Variants in IL16 observed in about 807,000 individuals in gnomAD.
IL16 encodes pro-interleukin-16.
A neutral mutation model predicts 110.1 loss-of-function variants in IL16; 67 were observed. That is an observed-to-expected ratio of 0.61 (90% confidence interval 0.50 to 0.75). The LOEUF (loss-of-function observed/expected upper bound fraction) is 0.75. Ranked by LOEUF, IL16 falls within the 30% of genes least tolerant of loss-of-function variation. The pLI is 0.00. For missense variants in IL16, 1,545 were observed against 1,655.0 expected (o/e 0.93, Z 1.15); for synonymous variants, 689 against 662.9 (o/e 1.04, Z -0.61).
At chr15:81,291,935 G>T (rs924331266) in intron 11 of IL16, 15 of 455,940 alleles carry the variant, frequency 3.3e-5, no homozygotes, top group African/African-American at 2.6e-4. Flanking sequence ...TGCAGAAATG[G>T]AGTTGGGTCC....
chr15:81,185,770 G>A (rs1470287051), intron 1 of IL16, among the ~76,000 whole-genome samples: 1 of 152,198 alleles, frequency 6.6e-6, no homozygotes, highest in African/African-American at 2.4e-5. Context: ...TGGCAGATCA[G>A]CGTGGGGCTT....
intron 6 of IL16, among the ~76,000 whole-genome samples, chr15:81,278,168 C>T (rs1363118775): frequency 6.6e-6 from 1 of 152,086 alleles, no homozygotes; most frequent in Non-Finnish European, 1.5e-5. Context: ...ACCACATCCA[C>T]TGAGCAATCT....
chr15:81,273,772 C>T (rs1898766069), intron 6 of IL16, among the ~76,000 whole-genome samples: 1 of 152,052 alleles, frequency 6.6e-6, no homozygotes, highest in Admixed American at 6.5e-5. Flanking sequence ...CCACAGGGAC[C>T]CTCTCTTCCA....
chr15:81,252,785 C>G (rs182970354), intron 2 of IL16, among the ~76,000 whole-genome samples: 176 of 152,268 alleles, frequency 1.2e-3, no homozygotes, highest in African/African-American at 3.5e-3. Context: ...GTTTTCAAGA[C>G]TCATCCATGT....
intron 2 of IL16, among the ~76,000 whole-genome samples, chr15:81,232,059 T>C (rs1595974510): frequency 7.0e-6 from 1 of 142,692 alleles, no homozygotes; most frequent in African/African-American, 2.7e-5. Flanking sequence ...TTTTTTTTTT[T>C]TTTTTTTCTT....
intron 2 of IL16, among the ~76,000 whole-genome samples, chr15:81,229,342 T>C (rs1204970033): frequency 6.6e-6 from 1 of 151,932 alleles, no homozygotes; most frequent in Non-Finnish European, 1.5e-5. Flanking sequence ...GAAACCAGTC[T>C]GGATGGTGGT....
chr15:81,282,815 C>A, intron 9 of IL16, 59 bp downstream of exon 9: 1 of 1,211,282 alleles, frequency 8.3e-7, no homozygotes, highest in Non-Finnish European at 1.2e-6. Flanking sequence ...AAAGAAATAC[C>A]TTAGAATGTC....
chr15:81,251,585 TG>T (rs898462236), intron 2 of IL16, among the ~76,000 whole-genome samples: 1 of 152,208 alleles, frequency 6.6e-6, no homozygotes. Context: ...TTGTGCACCT[TG>T]TCCAGTTAGT....
chr15:81,269,757 C>T (rs1898552885), intron 5 of IL16, 109 bp downstream of exon 5: 3 of 743,248 alleles, frequency 4.0e-6, no homozygotes, highest in South Asian at 1.7e-5. Context: ...TGTCCTGGCG[C>T]ATCAGAAGAG....
chr15:81,291,321 A>ATTT (rs1395968556), intron 11 of IL16, among the ~76,000 whole-genome samples: 7 of 152,344 alleles, frequency 4.6e-5, no homozygotes, highest in African/African-American at 1.7e-4. Context: ...TGACAGAGAA[A>ATTT]CTCACCAAAA....
intron 9 of IL16, among the ~76,000 whole-genome samples, chr15:81,285,092 T>A (rs1899383808): frequency 6.6e-6 from 1 of 151,864 alleles, no homozygotes; most frequent in Non-Finnish European, 1.5e-5. Flanking sequence ...TTTTTTTTTT[T>A]AAGGTTTAGG....
At chr15:81,268,184 AGAGCG>A (rs1293623832) in intron 4 of IL16, among the ~76,000 whole-genome samples, 3 of 152,202 alleles carry the variant, frequency 2.0e-5, no homozygotes, top group African/African-American at 7.2e-5. Context: ...GACTTTGGAG[AGAGCG>A]GCCCATCAGG....
At chr15:81,218,917 GTTTT>G (rs751212736) in intron 1 of IL16, among the ~76,000 whole-genome samples, 2 of 147,012 alleles carry the variant, frequency 1.4e-5, no homozygotes, top group Non-Finnish European at 3.0e-5. Context: ...CTCTTTTACT[GTTTT>G]TTTGAGTAAC....
rs1900766018 is a variant in IL16, at chr15:81,309,874, G to A, written c.*1076G>A. The A allele has an allele frequency of 6.6e-6, 1 of 152,218 alleles. No individual in the cohort carries two copies. The highest frequency in any genetic ancestry group is 1.5e-5 in the Non-Finnish European group (1 of 68,054). 9.4% of individuals were successfully genotyped at this position (152,218 alleles called of 1,614,324 possible). A position where few individuals can be genotyped will look rare whatever the true frequency, so the allele number is the denominator to read the frequency against. Reference sequence around the variant, plus strand: ...TTCTGTGCCAATGTATTGATAAGAGGGCACACACTGTGTACAGTAAATGGC... The same window carrying A: ...TTCTGTGCCAATGTATTGATAAGAGAGCACACACTGTGTACAGTAAATGGC... On this transcript the variant is annotated 3_prime_UTR_variant, in exon 19 of 19. Coordinates refer to ENST00000683961, the MANE Select transcript of IL16 (RefSeq NM_172217.5).
intron 2 of IL16, among the ~76,000 whole-genome samples, chr15:81,258,007 C>G (rs1173289455): frequency 2.0e-5 from 3 of 152,110 alleles, no homozygotes; most frequent in African/African-American, 7.2e-5. Context: ...GACACACACA[C>G]AGATGTACAC....
In IL16 at chr15:81,305,986, G is replaced by A. The variant is rs769583124; in HGVS notation, c.3499G>A (p.Gly1167Ser). ...QKGNEVLSIN[G>S]KSLKGTTHHD... is the part of the protein sequence containing the mutation. Reference sequence around the variant, plus strand: ...GGGCAATGAGGTTCTTTCCATCAACGGCAAGTCTCTCAAGGGGACCACGCA... The same window carrying A: ...GGGCAATGAGGTTCTTTCCATCAACAGCAAGTCTCTCAAGGGGACCACGCA... Residue 1167 changes from glycine (G) to serine (S), a missense_variant, in exon 17 of 19, where the codon GGC (glycine) becomes AGC (serine). By Grantham distance (56) the Gly-to-Ser change is moderately conservative. Around this residue, in one of 3 missense-constraint regions of IL16, gnomAD observed 356 missense variants for 399.3 expected, o/e 0.89. Coordinates refer to ENST00000683961, the MANE Select transcript of IL16 (RefSeq NM_172217.5). The A allele has an allele frequency of 3.7e-5, 59 of 1,614,054 alleles. No homozygotes were observed. The highest frequency in any genetic ancestry group is 2.9e-4 in the East Asian group (13 of 44,890).
chr15:81,284,471 C>G (rs1312156959), intron 9 of IL16, among the ~76,000 whole-genome samples: 2 of 152,170 alleles, frequency 1.3e-5, no homozygotes, highest in Admixed American at 1.3e-4. Flanking sequence ...TTGTCTTGGT[C>G]CTAGTACCCT....
Position 81,183,131 on chromosome 15 carries a change from C to T in IL16, c.40+235C>T, listed in dbSNP as rs528168203. ...TCTTTGCAGAGGCTGGCTGAGTGCTCACCAAGTGCTTGGCAGAGAGTTCGG... is the reference window on the plus strand; with the variant it reads ...TCTTTGCAGAGGCTGGCTGAGTGCTTACCAAGTGCTTGGCAGAGAGTTCGG... On this transcript the variant is annotated intron_variant, in intron 1 of 18. Transcript: ENST00000302987. 4.6e-5 allele frequency among the ~76,000 whole-genome samples: 7 copies of T among 152,336 alleles called. No individual in the cohort carries two copies. In the East Asian group the frequency reaches 1.4e-3, roughly 29 times the overall value.
At chr15:81,209,634 A>G (rs1298219190) in intron 1 of IL16, among the ~76,000 whole-genome samples, 4 of 152,196 alleles carry the variant, frequency 2.6e-5, no homozygotes, top group Non-Finnish European at 5.9e-5. Context: ...CAAAGGTTCC[A>G]GGTCAGCAAG....
Sources: allele counts gnomAD v4.1 joint callset (sites outside exome capture counted in the v4.1 genomes callset), GRCh38; gene constraint gnomAD v4.1.1; regional missense constraint gnomAD v4.1.1; transcripts MANE v1.5; gene names NCBI Gene and HGNC (gene_info 2026-07-23, HGNC 2026-07-21).